The following BAG1 variants were observed in gnomAD, a reference collection of about 807,000 sequenced individuals.
The protein encoded by BAG1 is BAG family molecular chaperone regulator 1.
In BAG1, 35 loss-of-function variants were observed where a neutral mutation model predicts 35.5. The ratio of observed to expected loss-of-function variants is 0.99; its 90% CI spans 0.75 to 1.31. The LOEUF (loss-of-function observed/expected upper bound fraction) is 1.31. Among genes scored for constraint, BAG1 ranks in the 50% most tolerant of loss-of-function variants. BAG1 has a pLI of 0.00. For missense variants in BAG1, 464 were observed against 453.6 expected, an observed-to-expected ratio of 1.02 and a Z score of -0.21; for synonymous variants, 191 against 178.9, an observed-to-expected ratio of 1.07 and a Z score of -0.54.
intron 1 of BAG1, among the ~76,000 whole-genome samples, chr9:33,263,035 T>C (rs1820611272): frequency 6.6e-6 from 1 of 152,248 alleles, no homozygotes; most frequent in Non-Finnish European, 1.5e-5. Context: ...ACTAACAATA[T>C]GAATGATATC....
intron 3 of BAG1, among the ~76,000 whole-genome samples, chr9:33,260,714 C>T (rs961068567): frequency 6.6e-6 from 1 of 152,190 alleles, no homozygotes; most frequent in Non-Finnish European, 1.5e-5. Flanking sequence ...TGAACTGGAA[C>T]AGAGTGATTA....
In BAG1 at chr9:33,256,789, A is replaced by G. The variant is rs778082997; in HGVS notation, c.885+12T>C. On this transcript the variant is annotated intron_variant, in intron 5 of 6. Coordinates refer to ENST00000634734, the MANE Select transcript of BAG1 (RefSeq NM_004323.6). ...AAGAAAACTAGTTCTTCTCAGCTGA[A>G]TATTTACTTACCAGTGTGTCAATCT... 6.2e-7 allele frequency: 1 copy of G among 1,601,008 alleles called. No homozygotes were observed. Among genetic ancestry groups the G allele is most frequent in the Non-Finnish European group, 8.6e-7 (1 of 1,168,640 alleles).
At chr9:33,256,014 A>T in intron 5 of BAG1, 87 bp from the exon 6 acceptor site, 1 of 1,233,258 alleles carries the variant, frequency 8.1e-7, no homozygotes, top group Non-Finnish European at 1.2e-6. Context: ...GAGAGCACAT[A>T]AGAAACACCC....
chr9:33,264,206 C>T lies in BAG1; in HGVS notation c.451+18G>A, dbSNP rs752497620. 11 of 1,583,922 alleles carry T rather than the reference C, an allele frequency of 6.9e-6. No individual in the cohort carries two copies. Among genetic ancestry groups the T allele is most frequent in the East Asian group, 6.9e-5 (3 of 43,204 alleles). On this transcript the variant is annotated intron_variant, in intron 1 of 6. Coordinates refer to ENST00000634734, the MANE Select transcript of BAG1 (RefSeq NM_004323.6). ...CTTTCGGGACCTGCATGGAGCCCAC[C>T]TGGCGCCCGACACTCACTGTGGGTG...
At chr9:33,259,199 A>G (rs1027143744) in intron 3 of BAG1, 166 bp from the exon 4 acceptor site, 1 of 480,464 alleles carries the variant, frequency 2.1e-6, no homozygotes, top group South Asian at 2.2e-5. Flanking sequence ...TGTCTCTACT[A>G]AAAAAACAAA....
At chr9:33,259,188 C>A in intron 3 of BAG1, 155 bp from the exon 4 acceptor site, 1 of 523,452 alleles carries the variant, frequency 1.9e-6, no homozygotes, top group Non-Finnish European at 3.4e-6. Context: ...TGGTGAAACA[C>A]TGTCTCTACT....
At position 33,261,138 on chromosome 9, in the gene BAG1, C is replaced by G; in HGVS notation, c.612G>C (p.Leu204Phe). ...AACCATCTTGTATTCCAAGTGCTGA[C>G]AACGGTGTTTCCATTTCCTTCAGAG... The change falls in exon 3 of 7, where the codon TTG (leucine) becomes TTC (phenylalanine). Residue 204 changes from leucine (L) to phenylalanine (F), a missense_variant. By Grantham distance (22) the Leu-to-Phe change is conservative (BLOSUM62 0). Transcript: ENST00000634734. The G allele has an allele frequency of 4.3e-6, 7 of 1,610,456 alleles. No individual in the cohort carries two copies. The highest frequency in any genetic ancestry group is 5.1e-6 in the Non-Finnish European group (6 of 1,178,660).
At chr9:33,259,299 GT>G in intron 3 of BAG1, 1 of 259,540 alleles carries the variant, frequency 3.9e-6, no homozygotes, top group Non-Finnish European at 7.5e-6. Flanking sequence ...GGAGGTGGAG[GT>G]TTGTAGTGAG....
At chr9:33,264,139 G>C in intron 1 of BAG1, 85 bp downstream of exon 1, 13 of 1,450,898 alleles carry the variant, frequency 9.0e-6, no homozygotes, top group Non-Finnish European at 1.2e-5. Context: ...AAGGTCACAC[G>C]CTTCTGGAGG....
intron 2 of BAG1, 39 bp downstream of exon 2, chr9:33,262,657 CAAAAAA>C: frequency 8.5e-7 from 1 of 1,180,978 alleles, no homozygotes; most frequent in Non-Finnish European, 1.1e-6. Flanking sequence ...AACTTCGTCT[CAAAAAA>C]AAAAAAAGAA....
In BAG1 at chr9:33,264,284, TCCGGGTCGACTCCTCGTC is replaced by T. The variant is rs749492130; in HGVS notation, c.373_390del (p.Asp125_Arg130del). The T allele has an allele frequency of 1.2e-6, 2 of 1,613,900 alleles. No homozygotes were observed. The highest frequency in any genetic ancestry group is 2.2e-5 in the South Asian group (2 of 91,064). ...ATTTCCTCCCTGGTCACCTCCTCGC[TCCGGGTCGACTCCTCGTC>T]CCGGGTCACCTCCTGGCTCCGATTC... On this transcript the variant is annotated inframe_deletion, in exon 1 of 7. Coordinates refer to ENST00000634734, the MANE Select transcript of BAG1 (RefSeq NM_004323.6).
chr9:33,262,126 T>A, intron 2 of BAG1: 1 of 1,289,730 alleles, frequency 7.8e-7, no homozygotes. Context: ...AGACTGCCCA[T>A]GAGCTTCATC....
intron 4 of BAG1, 25 bp downstream of exon 4, chr9:33,258,895 A>G (rs377685649): frequency 6.3e-7 from 1 of 1,589,400 alleles, no homozygotes. Flanking sequence ...GAAGGCAGAA[A>G]GTTAAGGTCC....
intron 1 of BAG1, 142 bp from the exon 2 acceptor site, chr9:33,262,972 C>G: frequency 8.5e-7 from 1 of 1,181,868 alleles, no homozygotes; most frequent in Non-Finnish European, 1.2e-6. Flanking sequence ...CCCATGCCAC[C>G]CAGCTTTCCT....
Position 33,255,007 on chromosome 9 carries a change from C to A in BAG1, c.*212G>T. 2.0e-6 allele frequency: 3 copies of A among 1,510,880 alleles called. 1 individual carries two copies. The highest frequency in any genetic ancestry group is 2.7e-6 in the Non-Finnish European group (3 of 1,121,888). The allele number at this position is 1,510,880 out of a possible 1,614,324, so 93.6% of individuals were successfully genotyped here. A position where few individuals can be genotyped will look rare whatever the true frequency, so the allele number is the denominator to read the frequency against. ...AGAAAAGGTGGATTGCTGGACAGTA[C>A]AACCACAGAGACAGAAGGAGAAAAC... On this transcript the variant is annotated 3_prime_UTR_variant, in exon 7 of 7. Coordinates refer to ENST00000634734, the MANE Select transcript of BAG1 (RefSeq NM_004323.6).
At position 33,264,531 on chromosome 9, in the gene BAG1, A is replaced by G; in HGVS notation, c.144T>C (p.Pro48=). ...CATGCCCGCTGGCAGTACTCCGGGC[A>G]GGTGGACGCCCAGAGGGAGGCGGAC... is the stretch of plus-strand genomic sequence containing the variant. The change falls in exon 1 of 7, where the codon CCT becomes CCC. Residue 48 remains proline, a synonymous_variant. Coordinates refer to ENST00000634734, the MANE Select transcript of BAG1 (RefSeq NM_004323.6). The G allele has an allele frequency of 6.4e-7, 1 of 1,571,442 alleles. No homozygotes were observed. The highest frequency in any genetic ancestry group is 8.6e-7 in the Non-Finnish European group (1 of 1,162,842).
intron 3 of BAG1, chr9:33,260,123 C>CA (rs1443996331): frequency 6.6e-6 from 1 of 152,260 alleles, no homozygotes; most frequent in Non-Finnish European, 1.5e-5. Flanking sequence ...CCTCCTGTCT[C>CA]AGACTCCCAA....
intron 4 of BAG1, chr9:33,257,672 A>C (rs995612969): frequency 1.3e-5 from 2 of 152,258 alleles, no homozygotes; most frequent in African/African-American, 2.4e-5. Context: ...ACAGTCAAAG[A>C]AGCATTACAC....
rs1820390030 is a variant in BAG1, at chr9:33,253,859, T to C, written c.*1360A>G. On this transcript the variant is annotated 3_prime_UTR_variant, in exon 7 of 7. Coordinates refer to ENST00000634734, the MANE Select transcript of BAG1 (RefSeq NM_004323.6). ...TTTATCTACTTTTACTTACTTAAAT[T>C]TTAGAGATGGGGTCTTGCTATGTTG... The C allele has an allele frequency of 1.3e-5, 2 of 152,010 alleles. No homozygotes were observed. The highest frequency in any genetic ancestry group is 6.6e-5 in the Admixed American group (1 of 15,264). 9.4% of individuals were successfully genotyped at this position (152,010 alleles called of 1,614,324 possible).
Sources: allele counts gnomAD v4.1 joint callset (sites outside exome capture counted in the v4.1 genomes callset), GRCh38; gene constraint gnomAD v4.1.1; transcripts MANE v1.5; gene names NCBI Gene and HGNC (gene_info 2026-07-23, HGNC 2026-07-21).